The following CABP5 variants were observed in gnomAD, a reference collection of about 807,000 sequenced individuals.
CABP5 encodes calcium binding protein 5.
CABP5 carries 17 observed loss-of-function variants against 21.9 expected under a neutral mutation model. The observed-to-expected ratio is 0.78, with a 90% CI of 0.53 to 1.17. The LOEUF (loss-of-function observed/expected upper bound fraction) is 1.17, where lower values mean the gene tolerates loss of function less well. Ranked by LOEUF, CABP5 falls within the 50% of genes most tolerant of loss-of-function variation. The probability of loss-of-function intolerance (pLI) is 0.00; values close to 1 mark genes in which losing one functional copy is unlikely to be tolerated. For synonymous variants in CABP5, 85 were observed against 79.4 expected, an observed-to-expected ratio of 1.07 and a Z score of -0.37; for missense variants, 229 against 228.9, an observed-to-expected ratio of 1.00 and a Z score of 0.00.
At chr19:48,030,613 G>A in intron 5 of CABP5, 31 bp from the exon 6 acceptor site, 2 of 1,608,358 alleles carry the variant, frequency 1.2e-6, no homozygotes, top group Non-Finnish European at 1.7e-6. Flanking sequence ...CCCCAGTAAG[G>A]CATCTCGTTG....
At chr19:48,041,388 G>T in intron 2 of CABP5, 185 bp downstream of exon 2, 1 of 636,788 alleles carries the variant, frequency 1.6e-6, no homozygotes, top group Non-Finnish European at 2.8e-6. Flanking sequence ...ATATGCCTTC[G>T]AAATACTTTG....
At chr19:48,042,774 C>T (rs1278972897) in intron 1 of CABP5, among the ~76,000 whole-genome samples, 2 of 152,054 alleles carry the variant, frequency 1.3e-5, no homozygotes, top group Non-Finnish European at 2.9e-5. Flanking sequence ...AGGGTTTCAC[C>T]ATCTTGGCCA....
intron 5 of CABP5, 26 bp downstream of exon 5, chr19:48,034,189 T>C (rs760764834): frequency 4.9e-5 from 74 of 1,509,540 alleles, no homozygotes; most frequent in Non-Finnish European, 6.1e-5. Flanking sequence ...CTGCCCCCGC[T>C]CCCCACCACG....
chr19:48,032,619 C>T (rs1027814609), intron 5 of CABP5, among the ~76,000 whole-genome samples: 20 of 149,628 alleles, frequency 1.3e-4, no homozygotes, highest in East Asian at 1.9e-4. Context: ...GTGAGCCACG[C>T]GCCTGGCCTT....
At chr19:48,030,703 C>T (rs903643045) in intron 5 of CABP5, 121 bp from the exon 6 acceptor site, 39 of 868,190 alleles carry the variant, frequency 4.5e-5, no homozygotes, top group Non-Finnish European at 6.7e-5. Context: ...TACTTAATCC[C>T]TCTATGCTTC....
At chr19:48,039,081 C>T in intron 4 of CABP5, 127 bp downstream of exon 4, 1 of 681,028 alleles carries the variant, frequency 1.5e-6, no homozygotes, top group Non-Finnish European at 2.6e-6. Flanking sequence ...TTATTGATCC[C>T]ACCATGGCTG....
intron 5 of CABP5, 118 bp from the exon 6 acceptor site, chr19:48,030,700 T>C: frequency 5.5e-6 from 5 of 908,780 alleles, no homozygotes; most frequent in Non-Finnish European, 8.8e-6. Context: ...AATTACTTAA[T>C]CCCTCTATGC....
At chr19:48,037,285 T>TTTTTTTTGG (rs1967422079) in intron 4 of CABP5, among the ~76,000 whole-genome samples, 9 of 131,606 alleles carry the variant, frequency 6.8e-5, no homozygotes, top group Non-Finnish European at 1.1e-4. Flanking sequence ...TTTTTTTTTT[T>TTTTTTTTGG]GAGGTGGAGT....
chr19:48,037,177 G>T (rs1967418802), intron 4 of CABP5, among the ~76,000 whole-genome samples: 1 of 149,190 alleles, frequency 6.7e-6, no homozygotes, highest in African/African-American at 2.5e-5. Context: ...AATAGCCAAG[G>T]TATGGAAGCA....
intron 4 of CABP5, among the ~76,000 whole-genome samples, chr19:48,035,697 C>T (rs1009450238): frequency 3.3e-5 from 5 of 152,130 alleles, no homozygotes; most frequent in Admixed American, 6.6e-5. Context: ...TAACAAGTGC[C>T]GTAAGGCAGG....
chr19:48,041,544 G>A (rs375425951), intron 2 of CABP5, 29 bp downstream of exon 2: 41 of 1,610,878 alleles, frequency 2.5e-5, no homozygotes, highest in South Asian at 1.9e-4. Context: ...GGATGGCAAC[G>A]TGGAAGCAAC....
chr19:48,031,220 C>G (rs1967335673), intron 5 of CABP5, among the ~76,000 whole-genome samples: 1 of 152,004 alleles, frequency 6.6e-6, no homozygotes, highest in Non-Finnish European at 1.5e-5. Flanking sequence ...GCATAATGCT[C>G]ACAAAACAGA....
intron 5 of CABP5, among the ~76,000 whole-genome samples, chr19:48,033,064 C>T (rs1449309004): frequency 2.1e-5 from 3 of 145,738 alleles, no homozygotes; most frequent in Non-Finnish European, 3.0e-5. Flanking sequence ...TGCAATGGCG[C>T]GATCTCAGCT....
intron 4 of CABP5, among the ~76,000 whole-genome samples, chr19:48,035,387 C>T (rs995736241): frequency 1.3e-5 from 2 of 152,190 alleles, no homozygotes; most frequent in African/African-American, 4.8e-5. Flanking sequence ...CACCTGAGGT[C>T]AGGAGTTCGA....
intron 5 of CABP5, among the ~76,000 whole-genome samples, chr19:48,032,109 C>G (rs1372658855): frequency 6.6e-6 from 1 of 151,952 alleles, no homozygotes; most frequent in Non-Finnish European, 1.5e-5. Flanking sequence ...AGCTTCCTGA[C>G]AAAGGTTGCC....
chr19:48,042,735 C>T (rs936577422), intron 1 of CABP5, among the ~76,000 whole-genome samples: 42 of 151,830 alleles, frequency 2.8e-4, no homozygotes, highest in South Asian at 2.1e-4. Context: ...CCACTGCACC[C>T]GGCTAATTTT....
rs1005226073 is a variant in CABP5 at position 48,044,035 on chromosome 19, C to T, written c.-113G>A. On this transcript the variant is annotated 5_prime_UTR_variant, in exon 1 of 6. Transcript: ENST00000293255. ...TCCAGCACTCCTTTGCCACCTCTTC[C>T]TGCCTCTCTTGGCTTCTCCTTCGGT... The T allele has an allele frequency of 7.9e-6, 7 of 884,646 alleles. No individual in the cohort carries two copies. In the Admixed American group the frequency reaches 1.8e-4, roughly 22 times the overall value. The allele number at this position is 884,646 out of a possible 1,614,324, so 54.8% of individuals were successfully genotyped here. A position where few individuals can be genotyped will look rare whatever the true frequency, so the allele number is the denominator to read the frequency against.
At position 48,030,411 on chromosome 19, in the gene CABP5, T is replaced by A; in HGVS notation, c.*146A>T. ...AGATACCGCTCTGGGTCTCACCCCA[T>A]GCACAGCGCCGCATGCCAATGCCCT... On this transcript the variant is annotated 3_prime_UTR_variant, in exon 6 of 6. Transcript: ENST00000293255. 2.8e-6 allele frequency: 2 copies of A among 722,900 alleles called. No homozygotes were observed. The highest frequency in any genetic ancestry group is 2.3e-6 in the Non-Finnish European group (1 of 430,876). The allele number at this position is 722,900 out of a possible 1,614,324, so 44.8% of individuals were successfully genotyped here. A position where few individuals can be genotyped will look rare whatever the true frequency, so the allele number is the denominator to read the frequency against.
intron 3 of CABP5, among the ~76,000 whole-genome samples, chr19:48,039,735 A>G (rs1967456818): frequency 3.5e-5 from 2 of 57,266 alleles, no homozygotes; most frequent in Middle Eastern, 0.017. Flanking sequence ...TTTTTTTGAG[A>G]CAGAGTCCCA....
Sources: allele counts gnomAD v4.1 joint callset (sites outside exome capture counted in the v4.1 genomes callset), GRCh38; gene constraint gnomAD v4.1.1; transcripts MANE v1.5; gene names NCBI Gene and HGNC (gene_info 2026-07-23, HGNC 2026-07-21).